Variants in PITPNC1 observed in about 807,000 individuals in gnomAD.
The protein encoded by PITPNC1 is phosphatidylinositol transfer protein cytoplasmic 1.
Under a neutral mutation model 44.7 loss-of-function variants are expected in PITPNC1, and 18 were observed. The ratio of observed to expected loss-of-function variants is 0.40; its 90% CI spans 0.28 to 0.60. The LOEUF (loss-of-function observed/expected upper bound fraction) is 0.60, where lower values mean the gene tolerates loss of function less well. PITPNC1 is among the 20% of genes least tolerant of loss of function. PITPNC1 has a pLI of 0.39. For synonymous variants in PITPNC1, 141 were observed against 149.6 expected (o/e 0.94, Z 0.42); for missense variants, 290 against 418.4 (o/e 0.69, Z 2.68).
intron 1 of PITPNC1, among the ~76,000 whole-genome samples, chr17:67,469,384 T>A (rs1366089209): frequency 6.6e-6 from 1 of 152,154 alleles, no homozygotes; most frequent in African/African-American, 2.4e-5. Flanking sequence ...CTCAGCACCG[T>A]ATCACTCCGT....
chr17:67,502,744 C>CATTGCATTGT lies in PITPNC1; in HGVS notation c.49-30054_49-30053insCATTGTATTG, dbSNP rs1313719754. On this transcript the variant is annotated intron_variant, in intron 1 of 8. Transcript: ENST00000581322. ...GAAGTAAGATTATTGCATTGCATTG[C>CATTGCATTGT]ATTGTATTGTATTGTATTGTATTGT... 5.9e-3 allele frequency among the ~76,000 whole-genome samples: 813 copies of CATTGCATTGT among 137,880 alleles called. 1 individual carries two copies. The highest frequency in any genetic ancestry group is 0.033 in the Middle Eastern group (9 of 272). The allele number at this position is 137,880 out of a possible 152,430, so 90.5% of individuals were successfully genotyped here.
chr17:67,420,359 C>T (rs1748989858), intron 1 of PITPNC1, among the ~76,000 whole-genome samples: 2 of 71,204 alleles, frequency 2.8e-5, no homozygotes, highest in South Asian at 4.6e-4. Context: ...CTCTTTCTCT[C>T]TCTCCTTCCT....
chr17:67,390,346 G>T (rs1352915362), intron 1 of PITPNC1, among the ~76,000 whole-genome samples: 1 of 152,184 alleles, frequency 6.6e-6, no homozygotes, highest in African/African-American at 2.4e-5. Flanking sequence ...TTTCTTGTCA[G>T]AACTCAGGAT....
chr17:67,387,359 T>G (rs1296771449), intron 1 of PITPNC1, among the ~76,000 whole-genome samples: 2 of 152,112 alleles, frequency 1.3e-5, no homozygotes, highest in South Asian at 4.1e-4. Context: ...CCATCTACAA[T>G]AGCTTTTTCC....
intron 5 of PITPNC1, among the ~76,000 whole-genome samples, chr17:67,583,339 G>C (rs1486574007): frequency 6.6e-6 from 1 of 152,090 alleles, no homozygotes; most frequent in African/African-American, 2.4e-5. Context: ...TGTAATCCCA[G>C]CACTTTGGGA....
intron 1 of PITPNC1, among the ~76,000 whole-genome samples, chr17:67,459,952 G>A (rs1352408013): frequency 6.6e-6 from 1 of 152,096 alleles, no homozygotes. Flanking sequence ...ATCATCACAA[G>A]TATTCCTTTT....
chr17:67,522,729 C>G (rs1459085672), intron 1 of PITPNC1, among the ~76,000 whole-genome samples: 1 of 145,842 alleles, frequency 6.9e-6, no homozygotes, highest in Non-Finnish European at 1.5e-5. Context: ...ATGATCATAG[C>G]TCACTGCATT....
intron 1 of PITPNC1, among the ~76,000 whole-genome samples, chr17:67,448,188 C>T (rs1461675946): frequency 2.6e-5 from 4 of 152,148 alleles, no homozygotes; most frequent in Non-Finnish European, 5.9e-5. Flanking sequence ...CTCAGGTGAT[C>T]CGCCCGCCTT....
intron 1 of PITPNC1, among the ~76,000 whole-genome samples, chr17:67,413,570 A>G (rs1471860623): frequency 2.0e-5 from 3 of 152,016 alleles, no homozygotes; most frequent in Non-Finnish European, 4.4e-5. Flanking sequence ...CTTCACCTCT[A>G]TCCCCACCAC....
intron 1 of PITPNC1, among the ~76,000 whole-genome samples, chr17:67,410,438 C>T (rs2038477899): frequency 6.6e-6 from 1 of 152,152 alleles, no homozygotes. Context: ...GAGTGCGGTG[C>T]AGTGGCGCAA....
intron 2 of PITPNC1, among the ~76,000 whole-genome samples, chr17:67,550,384 A>G (rs1248201912): frequency 6.6e-6 from 1 of 151,774 alleles, no homozygotes; most frequent in Non-Finnish European, 1.5e-5. Context: ...CTGAGAGTCC[A>G]TCTTTGTGTT....
chr17:67,678,848 A>C (rs1310592028), intron 8 of PITPNC1, among the ~76,000 whole-genome samples: 1 of 146,964 alleles, frequency 6.8e-6, no homozygotes, highest in Non-Finnish European at 1.5e-5. Flanking sequence ...TGAGACTCTC[A>C]TGGAAACATG....
At chr17:67,421,124 G>C (rs4790976) in intron 1 of PITPNC1, among the ~76,000 whole-genome samples, 68,052 of 151,818 alleles carry the variant, frequency 0.45, 15,780 homozygotes, top group African/African-American at 0.54. Flanking sequence ...CTGAGAGAAA[G>C]CTTTCTTCTT....
chr17:67,425,155 C>G (rs1185974883), intron 1 of PITPNC1, among the ~76,000 whole-genome samples: 16 of 149,298 alleles, frequency 1.1e-4, no homozygotes, highest in South Asian at 2.1e-4. Context: ...CTCAGCCCGC[C>G]TGCACCCAGG....
chr17:67,509,603 A>G (rs1171427864), intron 1 of PITPNC1, among the ~76,000 whole-genome samples: 1 of 145,520 alleles, frequency 6.9e-6, no homozygotes, highest in Non-Finnish European at 1.5e-5. Flanking sequence ...AATAAATAAA[A>G]CGTGTTCAAC....
At chr17:67,647,479 T>TG (rs1251951115) in intron 6 of PITPNC1, among the ~76,000 whole-genome samples, 2 of 139,162 alleles carry the variant, frequency 1.4e-5, no homozygotes, top group East Asian at 2.1e-4. Flanking sequence ...TTTTTTTTTT[T>TG]TTTTTTTTTT....
At chr17:67,662,533 C>A (rs2042364297) in intron 6 of PITPNC1, among the ~76,000 whole-genome samples, 1 of 152,116 alleles carries the variant, frequency 6.6e-6, no homozygotes, top group Non-Finnish European at 1.5e-5. Flanking sequence ...AATTTTAGAA[C>A]ATTTTAATCA....
chr17:67,651,290 A>G (rs754850731), intron 6 of PITPNC1, among the ~76,000 whole-genome samples: 1 of 152,192 alleles, frequency 6.6e-6, no homozygotes, highest in Non-Finnish European at 1.5e-5. Flanking sequence ...AGGCGGGTGG[A>G]TCACCTGAGG....
chr17:67,681,167 T>C (rs150562334), intron 8 of PITPNC1, among the ~76,000 whole-genome samples: 2 of 152,334 alleles, frequency 1.3e-5, no homozygotes, highest in African/African-American at 4.8e-5. Context: ...TGATCTTGCC[T>C]CCACTTCCTG....
Sources: allele counts gnomAD v4.1 joint callset (sites outside exome capture counted in the v4.1 genomes callset), GRCh38; gene constraint gnomAD v4.1.1; transcripts MANE v1.5; gene names NCBI Gene and HGNC (gene_info 2026-07-23, HGNC 2026-07-21).